The following RNF169 variants were observed in gnomAD, a reference collection of about 807,000 sequenced individuals.
RNF169 encodes E3 ubiquitin-protein ligase RNF169.
A neutral mutation model predicts 53.9 loss-of-function variants in RNF169; 24 were observed. That is an observed-to-expected ratio of 0.45 (90% CI 0.32 to 0.63). The LOEUF (loss-of-function observed/expected upper bound fraction) is 0.63, where lower values mean the gene tolerates loss of function less well. RNF169 is among the 20% of genes least tolerant of loss of function. RNF169 has a pLI of 0.04. For synonymous variants in RNF169, 396 were observed against 363.5 expected (o/e 1.09, Z -1.02); for missense variants, 883 against 906.2 (o/e 0.97, Z 0.33).
intron 4 of RNF169, among the ~76,000 whole-genome samples, chr11:74,820,171 A>C (rs1314644867): frequency 6.6e-6 from 1 of 152,154 alleles, no homozygotes; most frequent in Non-Finnish European, 1.5e-5. Flanking sequence ...TGCATAAGTG[A>C]TGTGATATTG....
At chr11:74,765,861 G>C (rs1368505027) in intron 1 of RNF169, among the ~76,000 whole-genome samples, 2 of 149,948 alleles carry the variant, frequency 1.3e-5, no homozygotes, top group Non-Finnish European at 3.0e-5. Flanking sequence ...GTGGTCAACT[G>C]AAGAAGTTAA....
At chr11:74,758,554 T>A (rs2035023069) in intron 1 of RNF169, among the ~76,000 whole-genome samples, 1 of 151,456 alleles carries the variant, frequency 6.6e-6, no homozygotes, top group Non-Finnish European at 1.5e-5. Flanking sequence ...CAGGCTGGAG[T>A]GCAGTGGCGG....
chr11:74,801,694 C>G (rs932201481), intron 2 of RNF169, among the ~76,000 whole-genome samples: 1 of 152,210 alleles, frequency 6.6e-6, no homozygotes, highest in Non-Finnish European at 1.5e-5. Context: ...CACCTATAAT[C>G]CCGGCTACTC....
At chr11:74,820,383 A>C (rs2035993419) in intron 4 of RNF169, among the ~76,000 whole-genome samples, 1 of 152,152 alleles carries the variant, frequency 6.6e-6, no homozygotes, top group Non-Finnish European at 1.5e-5. Flanking sequence ...TTCTTCCTCT[A>C]AAATGGAAAT....
chr11:74,785,941 C>CTTT (rs796451609), intron 1 of RNF169, among the ~76,000 whole-genome samples: 3 of 130,224 alleles, frequency 2.3e-5, no homozygotes, highest in Admixed American at 7.8e-5. Context: ...GTTTTCTTTT[C>CTTT]TTTTTTTTTT....
intron 1 of RNF169, 25 bp downstream of exon 1, chr11:74,749,407 G>A: frequency 8.0e-7 from 1 of 1,242,750 alleles, no homozygotes; most frequent in Non-Finnish European, 1.0e-6. Context: ...CTTCCCCTTA[G>A]GGTCTGGAGC....
At chr11:74,764,834 C>G (rs1172976699) in intron 1 of RNF169, among the ~76,000 whole-genome samples, 2 of 152,188 alleles carry the variant, frequency 1.3e-5, no homozygotes, top group African/African-American at 2.4e-5. Flanking sequence ...TTACAGATTT[C>G]TAAAGTTCTG....
chr11:74,789,552 C>T, intron 1 of RNF169, 74 bp from the exon 2 acceptor site: 1 of 833,494 alleles, frequency 1.2e-6, no homozygotes, highest in Non-Finnish European at 2.0e-6. Context: ...TTATATAACC[C>T]ACATGTATTG....
At chr11:74,818,363 C>G (rs2035966252) in intron 4 of RNF169, among the ~76,000 whole-genome samples, 1 of 152,142 alleles carries the variant, frequency 6.6e-6, no homozygotes, top group African/African-American at 2.4e-5. Flanking sequence ...CTGCTACATG[C>G]CGTGCTCTGT....
At chr11:74,765,082 G>A (rs939709839) in intron 1 of RNF169, among the ~76,000 whole-genome samples, 9 of 152,138 alleles carry the variant, frequency 5.9e-5, no homozygotes, top group African/African-American at 1.7e-4. Flanking sequence ...GGTGGTGTGC[G>A]CCTGTGGTCC....
At chr11:74,754,372 T>G (rs773410159) in intron 1 of RNF169, among the ~76,000 whole-genome samples, 26 of 152,378 alleles carry the variant, frequency 1.7e-4, no homozygotes, top group Admixed American at 5.9e-4. Context: ...ATCATACTGC[T>G]TTTAGATTTG....
intron 1 of RNF169, among the ~76,000 whole-genome samples, chr11:74,788,722 AT>A (rs776854158): frequency 5.9e-5 from 9 of 152,106 alleles, no homozygotes; most frequent in Non-Finnish European, 1.3e-4. Context: ...GTGTTAAAAA[AT>A]TTCTTACATT....
chr11:74,816,030 C>A (rs1177276027), intron 3 of RNF169, among the ~76,000 whole-genome samples: 1 of 151,714 alleles, frequency 6.6e-6, no homozygotes, highest in Non-Finnish European at 1.5e-5. Context: ...GGAATGATAC[C>A]CTACAAAATT....
chr11:74,811,171 T>C (rs1344137958), intron 3 of RNF169, among the ~76,000 whole-genome samples: 3 of 152,172 alleles, frequency 2.0e-5, no homozygotes, highest in Admixed American at 6.5e-5. Flanking sequence ...CTACCTCTTA[T>C]ACAGGTCCCA....
chr11:74,815,526 A>G (rs1282732092), intron 3 of RNF169, among the ~76,000 whole-genome samples: 5 of 152,192 alleles, frequency 3.3e-5, no homozygotes, highest in Admixed American at 6.5e-5. Context: ...ACTGTACTCC[A>G]GCCTGGGCAA....
intron 2 of RNF169, among the ~76,000 whole-genome samples, chr11:74,795,731 C>T (rs950038119): frequency 2.0e-5 from 3 of 151,812 alleles, no homozygotes; most frequent in East Asian, 1.9e-4. Flanking sequence ...GTGGCACATG[C>T]CTGTAGTCCT....
chr11:74,833,060 G>T (rs1028413906), intron 4 of RNF169, among the ~76,000 whole-genome samples: 4 of 152,152 alleles, frequency 2.6e-5, no homozygotes, highest in Non-Finnish European at 5.9e-5. Context: ...TAAAGTGCAA[G>T]CACGTGATAC....
chr11:74,750,764 C>A (rs2034877566), intron 1 of RNF169, among the ~76,000 whole-genome samples: 1 of 150,930 alleles, frequency 6.6e-6, no homozygotes, highest in Admixed American at 6.6e-5. Context: ...CACCACCACG[C>A]CCGGCTTTTT....
chr11:74,810,708 T>G (rs1381744818), intron 3 of RNF169, among the ~76,000 whole-genome samples: 1 of 152,248 alleles, frequency 6.6e-6, no homozygotes, highest in African/African-American at 2.4e-5. Flanking sequence ...TATTTTACTT[T>G]CCTTTATTTG....
Sources: gnomAD v4.1 joint callset for allele counts (sites outside exome capture counted in the v4.1 genomes callset) on GRCh38, gnomAD v4.1.1 for gene constraint, MANE v1.5 for transcripts, NCBI Gene and HGNC (gene_info 2026-07-23, HGNC 2026-07-21) for gene names.